Variants in DPP10 observed in about 807,000 individuals in gnomAD.
DPP10 encodes dipeptidyl peptidase like 10, also known as inactive dipeptidyl peptidase 10.
In DPP10, 33 loss-of-function variants were observed where a neutral mutation model predicts 120.9. That is an observed-to-expected ratio of 0.27 (90% CI 0.21 to 0.37). The LOEUF (loss-of-function observed/expected upper bound fraction) is 0.37. DPP10 is among the 10% of genes least tolerant of loss of function. The pLI, the probability that DPP10 is intolerant of heterozygous loss-of-function variation, is 1.00. For missense variants in DPP10, 816 were observed against 942.8 expected (o/e 0.87, Z 1.76); for synonymous variants, 337 against 326.1 (o/e 1.03, Z -0.36).
intron 8 of DPP10, among the ~76,000 whole-genome samples, chr2:115,730,087 A>G (rs956866167): frequency 8.5e-5 from 13 of 152,176 alleles, no homozygotes; most frequent in Non-Finnish European, 1.8e-4. Context: ...GTTTTCAAGT[A>G]AGGGAGTGAC....
chr2:114,984,139 G>A (rs545051521), intron 1 of DPP10, among the ~76,000 whole-genome samples: 50 of 152,200 alleles, frequency 3.3e-4, no homozygotes, highest in African/African-American at 1.2e-3. Context: ...TTCTTTCATA[G>A]TCTACACCAA....
At chr2:114,641,865 C>T (rs1695732795) in intron 1 of DPP10, among the ~76,000 whole-genome samples, 1 of 151,766 alleles carries the variant, frequency 6.6e-6, no homozygotes, top group South Asian at 2.1e-4. Flanking sequence ...AGCACAAAAC[C>T]AACCTCATCA....
chr2:114,638,375 C>T (rs1337015699), intron 1 of DPP10, among the ~76,000 whole-genome samples: 3 of 151,692 alleles, frequency 2.0e-5, no homozygotes, highest in African/African-American at 7.3e-5. Context: ...AAAATATTTG[C>T]AAACCATACA....
chr2:114,592,322 C>A (rs904211203), intron 1 of DPP10, among the ~76,000 whole-genome samples: 1 of 152,126 alleles, frequency 6.6e-6, no homozygotes, highest in Non-Finnish European at 1.5e-5. Flanking sequence ...TGATGGTAAA[C>A]TTTTCCCTTC....
At position 115,794,440 on chromosome 2, in the gene DPP10, A is replaced by C. The variant is rs142451661; in HGVS notation, c.1700+3084A>C. On this transcript the variant is annotated intron_variant, in intron 19 of 25. Coordinates refer to ENST00000410059, the MANE Select transcript of DPP10 (RefSeq NM_020868.6). ...GTCCTCTGACCTCCCTTGCTTGGTC[A>C]TATGTTTTGAAACTCAAACTTAATC... Among the ~76,000 whole-genome samples, 386 of 152,340 alleles carry C rather than the reference A, an allele frequency of 2.5e-3. 2 individuals carry two copies. Among genetic ancestry groups the C allele is most frequent in the African/African-American group, 9.0e-3 (374 of 41,594 alleles).
chr2:115,550,461 A>G (rs1203737703), intron 5 of DPP10, among the ~76,000 whole-genome samples: 11 of 152,128 alleles, frequency 7.2e-5, no homozygotes. Context: ...AACCATGTTC[A>G]TGGGAATATG....
intron 1 of DPP10, among the ~76,000 whole-genome samples, chr2:114,629,005 C>CT (rs1694720232): frequency 2.0e-5 from 3 of 152,036 alleles, no homozygotes; most frequent in Admixed American, 1.3e-4. Flanking sequence ...AGAATAATGG[C>CT]TTAACAATTA....
At chr2:115,134,130 C>T (rs747692481) in intron 1 of DPP10, among the ~76,000 whole-genome samples, 48 of 152,256 alleles carry the variant, frequency 3.2e-4, no homozygotes, top group Non-Finnish European at 5.9e-4. Context: ...TTGGAAATAA[C>T]ATTAGGAAAA....
At chr2:115,834,878 A>C (rs1309698946) in intron 21 of DPP10, among the ~76,000 whole-genome samples, 1 of 152,032 alleles carries the variant, frequency 6.6e-6, no homozygotes, top group Non-Finnish European at 1.5e-5. Context: ...CGAGGTCAGG[A>C]GATCGAGACC....
chr2:115,657,449 TTCTTC>T (rs2088477163), intron 5 of DPP10, among the ~76,000 whole-genome samples: 1 of 151,866 alleles, frequency 6.6e-6, no homozygotes, highest in African/African-American at 2.4e-5. Context: ...TTTTCTCTAT[TTCTTC>T]TCTTAAGACA....
chr2:114,930,245 C>G (rs1351842536), intron 1 of DPP10, among the ~76,000 whole-genome samples: 1 of 152,162 alleles, frequency 6.6e-6, no homozygotes, highest in Non-Finnish European at 1.5e-5. Flanking sequence ...TTAAAATATT[C>G]TTCTCTACCG....
chr2:114,775,538 A>C lies in DPP10; in HGVS notation c.60+332700A>C, dbSNP rs559405191. Among the ~76,000 whole-genome samples the C allele has an allele frequency of 3.9e-5, 6 of 152,276 alleles. No individual in the cohort carries two copies. In the East Asian group the frequency reaches 9.7e-4, roughly 24 times the overall value. On this transcript the variant is annotated intron_variant, in intron 1 of 25. Coordinates refer to ENST00000410059, the MANE Select transcript of DPP10 (RefSeq NM_020868.6). ...AATCCTTTCTTCTTTGAGCTTCCTC[A>C]AAATCTTGTATAAACTGGGCTTAAA...
At chr2:114,467,484 A>C (rs1402302524) in intron 1 of DPP10, among the ~76,000 whole-genome samples, 2 of 152,112 alleles carry the variant, frequency 1.3e-5, no homozygotes, top group Non-Finnish European at 2.9e-5. Flanking sequence ...ATCAAACAAA[A>C]TAGATGTCTA....
At chr2:114,543,639 C>A (rs1205557108) in intron 1 of DPP10, among the ~76,000 whole-genome samples, 2 of 152,174 alleles carry the variant, frequency 1.3e-5, no homozygotes, top group African/African-American at 4.8e-5. Context: ...TTCAAACAGT[C>A]CTCACACTTG....
chr2:114,663,152 G>T (rs1697559229), intron 1 of DPP10, among the ~76,000 whole-genome samples: 1 of 151,832 alleles, frequency 6.6e-6, no homozygotes, highest in African/African-American at 2.4e-5. Flanking sequence ...CAGGAGCCAA[G>T]AAATAGGGAA....
chr2:115,099,300 C>A (rs560399690), intron 1 of DPP10, among the ~76,000 whole-genome samples: 1 of 152,052 alleles, frequency 6.6e-6, no homozygotes, highest in Non-Finnish European at 1.5e-5. Flanking sequence ...GGCGACAGAA[C>A]AAGACTCCAT....
At chr2:114,638,422 C>T (rs994555411) in intron 1 of DPP10, among the ~76,000 whole-genome samples, 1 of 151,558 alleles carries the variant, frequency 6.6e-6, no homozygotes, top group East Asian at 1.9e-4. Context: ...CTATAAGAAA[C>T]GTAGGCAAAA....
At chr2:114,629,952 A>G (rs1323304836) in intron 1 of DPP10, among the ~76,000 whole-genome samples, 1 of 152,198 alleles carries the variant, frequency 6.6e-6, no homozygotes, top group Admixed American at 6.5e-5. Flanking sequence ...AAGTGTATCT[A>G]TATAAATAAA....
At chr2:114,794,640 T>C (rs1485463771) in intron 1 of DPP10, among the ~76,000 whole-genome samples, 1 of 152,170 alleles carries the variant, frequency 6.6e-6, no homozygotes, top group Non-Finnish European at 1.5e-5. Context: ...ATAATCTATT[T>C]TTCTACTAAT....
Sources: allele counts gnomAD v4.1 joint callset (sites outside exome capture counted in the v4.1 genomes callset), GRCh38; gene constraint gnomAD v4.1.1; transcripts MANE v1.5; gene names NCBI Gene and HGNC (gene_info 2026-07-23, HGNC 2026-07-21).